Variants in PROSER2 observed in about 807,000 individuals in gnomAD.
PROSER2 encodes the protein proline and serine rich 2.
In PROSER2, 18 loss-of-function variants were observed where a neutral mutation model predicts 14.6. That is an observed-to-expected ratio of 1.23 (90% CI 0.85 to 1.83). The LOEUF (loss-of-function observed/expected upper bound fraction) is 1.83, where lower values mean the gene tolerates loss of function less well. Ranked by LOEUF, PROSER2 falls within the 40% of genes most tolerant of loss-of-function variation. The pLI, the probability that PROSER2 is intolerant of heterozygous loss-of-function variation, is 0.00. For synonymous variants in PROSER2, 367 were observed against 286.4 expected, an observed-to-expected ratio of 1.28 and a Z score of -2.84; for missense variants, 823 against 629.8, an observed-to-expected ratio of 1.31 and a Z score of -3.28.
chr10:11,831,963 C>T (rs1023271032), intron 1 of PROSER2: 3 of 151,844 alleles, frequency 2.0e-5, no homozygotes, highest in Admixed American at 6.6e-5. Context: ...AAATCAACCT[C>T]GTTTTTGTAT....
intron 1 of PROSER2, among the ~76,000 whole-genome samples, chr10:11,826,771 G>A (rs112203760): frequency 6.6e-5 from 10 of 151,960 alleles, no homozygotes; most frequent in Non-Finnish European, 1.2e-4. Context: ...TAGTAGAGTC[G>A]GGGTTTCGCC....
intron 2 of PROSER2, among the ~76,000 whole-genome samples, chr10:11,858,938 G>A (rs1399284027): frequency 6.7e-6 from 1 of 149,090 alleles, no homozygotes; most frequent in African/African-American, 2.5e-5. Flanking sequence ...GAACCCAGGA[G>A]GTGGAGGTTG....
Position 11,869,760 on chromosome 10 carries a change from G to A in PROSER2, c.662G>A (p.Arg221Gln), listed in dbSNP as rs776622148. The A allele has an allele frequency of 6.1e-5, 96 of 1,571,832 alleles. No homozygotes were observed. Among genetic ancestry groups the A allele is most frequent in the Non-Finnish European group, 7.8e-5 (91 of 1,160,528 alleles). Reference sequence around the variant, plus strand: ...CCCACCTCCCCGTTCAGGGAGGGCCGGCCCGGGGAGTGGAGGACACCTGCC... The same window carrying A: ...CCCACCTCCCCGTTCAGGGAGGGCCAGCCCGGGGAGTGGAGGACACCTGCC... Reference protein sequence around the residue: ...LSPTSPFREGRPGEWRTPAAR... With the variant: ...LSPTSPFREGQPGEWRTPAAR... The change falls in exon 4 of 4, where the codon CGG (arginine) becomes CAG (glutamine). Residue 221 changes from arginine (R) to glutamine (Q), a missense_variant. Coordinates refer to ENST00000277570, the MANE Select transcript of PROSER2 (RefSeq NM_153256.4). This position sits in a 1 kb window ranked among gnomAD's most constrained non-coding sequence, Gnocchi z 4.4.
chr10:11,843,305 C>G (rs1275903830), intron 1 of PROSER2, among the ~76,000 whole-genome samples: 1 of 151,198 alleles, frequency 6.6e-6, no homozygotes, highest in African/African-American at 2.4e-5. Context: ...GTAATCCCAG[C>G]ACTTTGGGAG....
At chr10:11,835,325 A>G (rs549564273) in intron 1 of PROSER2, among the ~76,000 whole-genome samples, 2 of 151,958 alleles carry the variant, frequency 1.3e-5, no homozygotes, top group South Asian at 2.1e-4. Flanking sequence ...TGACATGGAC[A>G]TTGGGCTAGG....
chr10:11,855,452 C>T (rs554913320), intron 2 of PROSER2, among the ~76,000 whole-genome samples: 14 of 135,810 alleles, frequency 1.0e-4, no homozygotes, highest in African/African-American at 3.9e-4. Flanking sequence ...CCATCCTGGG[C>T]GACAGAGCAA....
At chr10:11,839,380 A>G (rs1833805125) in intron 1 of PROSER2, among the ~76,000 whole-genome samples, 1 of 149,296 alleles carries the variant, frequency 6.7e-6, no homozygotes, top group Non-Finnish European at 1.5e-5. Flanking sequence ...CAACTACATA[A>G]AAATAAATTC....
chr10:11,845,963 CTTCATTCATTCATTCATTCATGCA>C (rs1833918743), intron 1 of PROSER2, among the ~76,000 whole-genome samples: 1 of 152,182 alleles, frequency 6.6e-6, no homozygotes, highest in Admixed American at 6.5e-5. Context: ...TTAAACATTA[CTTCATTCATTCATTCATTCATGCA>C]TTCATTCATT....
intron 1 of PROSER2, among the ~76,000 whole-genome samples, chr10:11,845,423 A>G (rs1260121750): frequency 1.3e-5 from 2 of 151,996 alleles, no homozygotes; most frequent in African/African-American, 4.8e-5. Context: ...AGTACATTTA[A>G]AATTTGTATT....
intron 1 of PROSER2, among the ~76,000 whole-genome samples, chr10:11,824,930 C>T (rs888817509): frequency 5.9e-5 from 9 of 152,070 alleles, no homozygotes; most frequent in African/African-American, 2.2e-4. Context: ...GGGAGTTGCC[C>T]ATTAATTCAT....
In PROSER2 at chr10:11,866,993, G is replaced by C. The variant is rs377674925; in HGVS notation, c.391+210G>C. Reference sequence around the variant, plus strand: ...ATAAAGAATGGAATGGGCCAGGCGCGGTGGCTCAAGCCTGTAATCCCAGCA... The same window carrying C: ...ATAAAGAATGGAATGGGCCAGGCGCCGTGGCTCAAGCCTGTAATCCCAGCA... On this transcript the variant is annotated intron_variant, in intron 3 of 3. Transcript: ENST00000277570. The surrounding 1 kb of genome is among the most constrained non-coding windows in gnomAD (Gnocchi z 6.0). Among the ~76,000 whole-genome samples the C allele has an allele frequency of 9.2e-5, 14 of 152,138 alleles. No individual in the cohort carries two copies. The highest frequency in any genetic ancestry group is 1.6e-4 in the Non-Finnish European group (11 of 68,028).
Position 11,866,691 on chromosome 10 carries a change from G to A in PROSER2, c.299G>A (p.Ser100Asn). 1.9e-6 allele frequency: 3 copies of A among 1,614,108 alleles called. No homozygotes were observed. The highest frequency in any genetic ancestry group is 2.5e-6 in the Non-Finnish European group (3 of 1,180,034). ...CSPSLEESTS[S>N]PSEPEDVIDL... ...CCGTCTCTGGAGGAGAGCACCTCCAGTCCCTCCGAGCCTGAAGATGTCATC... is the reference window on the plus strand; with the variant it reads ...CCGTCTCTGGAGGAGAGCACCTCCAATCCCTCCGAGCCTGAAGATGTCATC... Residue 100 changes from serine to asparagine, a missense_variant, in exon 3 of 4, where the codon AGT becomes AAT. Physicochemically the swap from Ser to Asn is conservative, Grantham distance 46. Transcript: ENST00000277570. The surrounding 1 kb of genome is among the most constrained non-coding windows in gnomAD (Gnocchi z 6.0).
rs371623795 is a variant in PROSER2, at chr10:11,839,132, G to A, written c.-81-12865G>A. Among the ~76,000 whole-genome samples, 5 of 152,088 alleles carry A rather than the reference G, an allele frequency of 3.3e-5. No individual in the cohort carries two copies. In the East Asian group the frequency reaches 5.8e-4, roughly 18 times the overall value. ...TATTTCAAAACAGTGGTAAAAGATG[G>A]GTCCTTCAGTACTTGGCACTTGAGC... On this transcript the variant is annotated intron_variant, in intron 1 of 3. Transcript: ENST00000277570.
Position 11,855,671 on chromosome 10 carries a change from T to C in PROSER2, c.138+3456T>C, listed in dbSNP as rs564777581. Among the ~76,000 whole-genome samples, 429 of 152,184 alleles carry C rather than the reference T, an allele frequency of 2.8e-3. 5 individuals carry two copies. The highest frequency in any genetic ancestry group is 0.01 in the African/African-American group (418 of 41,522). ...GGTTTGGTGACGCACAACTGTAGTC[T>C]GAGCTACTTGGGAGGCCTGAGGCAG... On this transcript the variant is annotated intron_variant, in intron 2 of 3. Coordinates refer to ENST00000277570, the MANE Select transcript of PROSER2 (RefSeq NM_153256.4).
intron 1 of PROSER2, among the ~76,000 whole-genome samples, chr10:11,827,104 T>C (rs1392597849): frequency 6.6e-6 from 1 of 150,646 alleles, no homozygotes; most frequent in Non-Finnish European, 1.5e-5. Flanking sequence ...CAGGCTGGTC[T>C]CAAACTCCTG....
Position 11,870,246 on chromosome 10 carries a change from T to TCCCCGGG in PROSER2, c.1155_1161dup (p.Gln388AlafsTer107). On this transcript the variant is annotated frameshift_variant, in exon 4 of 4. Coordinates refer to ENST00000277570, the MANE Select transcript of PROSER2 (RefSeq NM_153256.4). LOFTEE classifies it high-confidence loss of function. ...CCCAGCACGCGGGCCCGTCAGAGCT[T>TCCCCGGG]CCCCGGGCCCCGGCAGCCCAACGGC... 1.3e-6 allele frequency: 2 copies of TCCCCGGG among 1,487,734 alleles called. No homozygotes were observed. Among genetic ancestry groups the TCCCCGGG allele is most frequent in the South Asian group, 2.5e-5 (2 of 79,772 alleles). The allele number at this position is 1,487,734 out of a possible 1,614,324, so 92.2% of individuals were successfully genotyped here.
At chr10:11,832,066 C>G (rs1160836033) in intron 1 of PROSER2, among the ~76,000 whole-genome samples, 1 of 152,106 alleles carries the variant, frequency 6.6e-6, no homozygotes, top group Admixed American at 6.5e-5. Context: ...AGTAGAATTA[C>G]TAGCCTTTTA....
chr10:11,847,610 GGT>G (rs1833942594), intron 1 of PROSER2, among the ~76,000 whole-genome samples: 2 of 152,110 alleles, frequency 1.3e-5, no homozygotes, highest in South Asian at 4.2e-4. Flanking sequence ...GTAGAGATGG[GGT>G]TTCACTATGT....
intron 1 of PROSER2, 31 bp from the exon 2 acceptor site, chr10:11,851,962 TACTG>T (rs1353606832): frequency 8.8e-7 from 1 of 1,131,522 alleles, no homozygotes; most frequent in Non-Finnish European, 1.2e-6. Context: ...AGTCTCGGCT[TACTG>T]ACCATTGTCA....
Sources: allele counts gnomAD v4.1 joint callset (sites outside exome capture counted in the v4.1 genomes callset), GRCh38; gene constraint gnomAD v4.1.1; non-coding constraint Gnocchi (gnomAD v3.1); transcripts MANE v1.5; gene names NCBI Gene and HGNC (gene_info 2026-07-23, HGNC 2026-07-21).